The following TBC1D22A variants were observed in gnomAD, a reference collection of about 807,000 sequenced individuals.
TBC1D22A encodes the protein putative GTPase activator.
In TBC1D22A, 38 loss-of-function variants were observed where a neutral mutation model predicts 60.2. The ratio of observed to expected loss-of-function variants is 0.63; its 90% CI spans 0.49 to 0.83. The LOEUF is 0.83. TBC1D22A is among the 40% of genes least tolerant of loss of function. The pLI is 0.00. For synonymous variants in TBC1D22A, 302 were observed against 281.7 expected, an observed-to-expected ratio of 1.07 and a Z score of -0.72; for missense variants, 628 against 701.0, an observed-to-expected ratio of 0.90 and a Z score of 1.18.
intron 4 of TBC1D22A, among the ~76,000 whole-genome samples, chr22:46,818,117 A>T (rs1193038117): frequency 6.6e-6 from 1 of 151,680 alleles, no homozygotes; most frequent in Non-Finnish European, 1.5e-5. Flanking sequence ...TTTACTTGTA[A>T]ATTTAAGTTC....
rs117817600 is a variant in TBC1D22A, at chr22:47,042,042, C to A, written c.1329+4844C>A. Among the ~76,000 whole-genome samples, 1,061 of 152,380 alleles carry A rather than the reference C, an allele frequency of 7.0e-3. 43 individuals carry two copies. The East Asian group carries it at 0.12, about 18-fold the overall frequency. On this transcript the variant is annotated intron_variant, in intron 11 of 12. Coordinates refer to ENST00000337137, the MANE Select transcript of TBC1D22A (RefSeq NM_014346.5). ...TTGTCCACTGTGTGCTGTTCACATT[C>A]TGGGCTTTGTTGCCAGGCAGTCATT... is the stretch of plus-strand genomic sequence containing the variant.
chr22:46,916,274 G>A (rs1308846141), intron 8 of TBC1D22A, among the ~76,000 whole-genome samples: 1 of 152,194 alleles, frequency 6.6e-6, no homozygotes, highest in African/African-American at 2.4e-5. Flanking sequence ...GGATGTCAGA[G>A]TCAGAGAAAC....
intron 4 of TBC1D22A, among the ~76,000 whole-genome samples, chr22:46,843,222 CTGT>C (rs1216744487): frequency 6.6e-6 from 1 of 152,200 alleles, no homozygotes; most frequent in African/African-American, 2.4e-5. Flanking sequence ...TCACTTGCTT[CTGT>C]TGTTACGAGC....
intron 11 of TBC1D22A, among the ~76,000 whole-genome samples, chr22:47,039,303 C>T (rs1035342263): frequency 4.6e-5 from 7 of 152,016 alleles, no homozygotes; most frequent in East Asian, 1.9e-4. Flanking sequence ...TCTTAAGAAT[C>T]GGGGGTATTT....
chr22:46,889,185 G>T (rs567926236), intron 5 of TBC1D22A, among the ~76,000 whole-genome samples: 10 of 152,230 alleles, frequency 6.6e-5, no homozygotes, highest in Non-Finnish European at 8.8e-5. Flanking sequence ...TACAGAGCTC[G>T]TCAAACTCAG....
At chr22:46,996,551 C>T (rs367544291) in intron 9 of TBC1D22A, among the ~76,000 whole-genome samples, 6 of 152,266 alleles carry the variant, frequency 3.9e-5, no homozygotes, top group East Asian at 3.8e-4. Context: ...CCACAGGTTA[C>T]AGGGAGTGGA....
intron 1 of TBC1D22A, among the ~76,000 whole-genome samples, chr22:46,775,652 T>G (rs1450550144): frequency 1.3e-5 from 2 of 152,164 alleles, no homozygotes; most frequent in Admixed American, 6.5e-5. Flanking sequence ...TATAGTGAGT[T>G]AGTTTTGTGT....
intron 10 of TBC1D22A, among the ~76,000 whole-genome samples, chr22:47,005,907 GACACACACCCATATGCACAC>G (rs1230790674): frequency 7.2e-6 from 1 of 139,248 alleles, no homozygotes; most frequent in Admixed American, 7.1e-5. Context: ...TCTATACACA[GACACACACCCATATGCACAC>G]ACACACACCC....
At chr22:46,995,240 C>T (rs2075080403) in intron 9 of TBC1D22A, among the ~76,000 whole-genome samples, 1 of 152,152 alleles carries the variant, frequency 6.6e-6, no homozygotes. Flanking sequence ...CACCGGAGGG[C>T]CTTGGCGTCA....
chr22:47,100,175 C>T lies in TBC1D22A; in HGVS notation c.1330-11333C>T, dbSNP rs138051260. 4.4e-3 allele frequency among the ~76,000 whole-genome samples: 663 copies of T among 152,308 alleles called. 3 individuals carry two copies. The highest frequency in any genetic ancestry group is 0.015 in the African/African-American group (637 of 41,584). ...CGGTCCTGGCTTGTTCTTAGTACTT[C>T]ACACAGTGCCATGCAGGGGTGAGGC... On this transcript the variant is annotated intron_variant, in intron 11 of 12. Transcript: ENST00000337137.
intron 1 of TBC1D22A, among the ~76,000 whole-genome samples, chr22:46,773,383 C>T (rs2083571054): frequency 1.3e-5 from 2 of 152,222 alleles, no homozygotes; most frequent in East Asian, 1.9e-4. Flanking sequence ...CCCTGCAGCG[C>T]TCAGAACTGA....
intron 8 of TBC1D22A, among the ~76,000 whole-genome samples, chr22:46,940,877 CT>C (rs2071974351): frequency 7.4e-6 from 1 of 135,680 alleles, no homozygotes; most frequent in African/African-American, 2.7e-5. Flanking sequence ...ACAGTCCACC[CT>C]TGAACAGCAT....
intron 5 of TBC1D22A, among the ~76,000 whole-genome samples, chr22:46,882,439 A>G (rs2067898903): frequency 6.6e-6 from 1 of 151,902 alleles, no homozygotes; most frequent in African/African-American, 2.4e-5. Flanking sequence ...GCTCTAAGAC[A>G]CTCAGGCTCC....
chr22:46,870,352 T>C (rs2067245108), intron 4 of TBC1D22A, among the ~76,000 whole-genome samples: 1 of 152,252 alleles, frequency 6.6e-6, no homozygotes, highest in South Asian at 2.1e-4. Flanking sequence ...CAGATGAGCA[T>C]GAAATTGTGA....
In TBC1D22A at chr22:46,947,252, C is replaced by G. The variant is rs142847517; in HGVS notation, c.1016-27038C>G. ...CTTTCTGTGGGTTTTGTTGTTTGGA[C>G]ATGGTTCTTGGGTTCTTCTCAGTCG... On this transcript the variant is annotated intron_variant, in intron 8 of 12. Transcript: ENST00000337137. Among the ~76,000 whole-genome samples the G allele has an allele frequency of 4.6e-3, 706 of 152,288 alleles. 6 individuals carry two copies. The highest frequency in any genetic ancestry group is 0.016 in the African/African-American group (671 of 41,548).
chr22:46,766,045 T>C (rs1429400393), intron 1 of TBC1D22A, among the ~76,000 whole-genome samples: 1 of 151,584 alleles, frequency 6.6e-6, no homozygotes, highest in Non-Finnish European at 1.5e-5. Flanking sequence ...TTGTCCAGGC[T>C]GGAGTGCAGT....
intron 11 of TBC1D22A, among the ~76,000 whole-genome samples, chr22:47,088,415 A>C (rs2064788193): frequency 6.6e-6 from 1 of 152,214 alleles, no homozygotes; most frequent in African/African-American, 2.4e-5. Flanking sequence ...AAATAGGAAA[A>C]CAAAGCATCA....
At chr22:46,780,409 A>G (rs2083885945) in intron 1 of TBC1D22A, among the ~76,000 whole-genome samples, 1 of 151,474 alleles carries the variant, frequency 6.6e-6, no homozygotes, top group African/African-American at 2.4e-5. Context: ...CCTCACTGCT[A>G]TTTTCACCTA....
chr22:47,039,926 T>G (rs1603120114), intron 11 of TBC1D22A, among the ~76,000 whole-genome samples: 7 of 120,558 alleles, frequency 5.8e-5, no homozygotes, highest in African/African-American at 1.3e-4. Flanking sequence ...GTCGGGGAGG[T>G]GCCACAGCCT....
Sources: allele counts gnomAD v4.1 joint callset (sites outside exome capture counted in the v4.1 genomes callset), GRCh38; gene constraint gnomAD v4.1.1; transcripts MANE v1.5; gene names NCBI Gene and HGNC (gene_info 2026-07-23, HGNC 2026-07-21).